LIMA1: variants seen among roughly 807,000 people sequenced by gnomAD.
LIMA1 encodes LIM domain and actin binding 1, also known as LIM domain and actin-binding protein 1.
In LIMA1, 52 loss-of-function variants were observed where a neutral mutation model predicts 62.6. The ratio of observed to expected loss-of-function variants is 0.83; its 90% confidence interval spans 0.67 to 1.05. The LOEUF (loss-of-function observed/expected upper bound fraction) is 1.05, where lower values mean the gene tolerates loss of function less well. Ranked by LOEUF, LIMA1 falls within the 50% of genes least tolerant of loss-of-function variation. The probability of loss-of-function intolerance (pLI) is 0.00; values close to 1 mark genes in which losing one functional copy is unlikely to be tolerated. For missense variants in LIMA1, 780 were observed against 902.2 expected (o/e 0.86, Z 1.74); for synonymous variants, 302 against 317.8 (o/e 0.95, Z 0.53).
intron 4 of LIMA1, among the ~76,000 whole-genome samples, chr12:50,209,581 A>AAAG (rs1565841671): frequency 1.6e-5 from 2 of 125,682 alleles, no homozygotes; most frequent in African/African-American, 6.7e-5. Context: ...AAAAAAAAAA[A>AAAG]AAAAAAGAAA....
chr12:50,207,059 G>C (rs950569583), intron 4 of LIMA1, among the ~76,000 whole-genome samples: 1 of 151,984 alleles, frequency 6.6e-6, no homozygotes, highest in Non-Finnish European at 1.5e-5. Flanking sequence ...TGAGTAGCTG[G>C]GATTACAGGC....
intron 5 of LIMA1, among the ~76,000 whole-genome samples, 153 bp from the exon 6 acceptor site, chr12:50,204,853 G>A (rs562968986): frequency 9.9e-5 from 15 of 151,982 alleles, no homozygotes; most frequent in Admixed American, 4.6e-4. Flanking sequence ...CCAAAGCGCT[G>A]GAATTATAGG....
intron 4 of LIMA1, among the ~76,000 whole-genome samples, chr12:50,211,793 A>AACAAAC (rs1555206355): frequency 3.3e-5 from 5 of 150,800 alleles, no homozygotes; most frequent in Admixed American, 3.3e-4. Context: ...AGGAACACAA[A>AACAAAC]ACACACACAC....
chr12:50,274,371 G>T (rs960118106), intron 1 of LIMA1, among the ~76,000 whole-genome samples: 4 of 152,162 alleles, frequency 2.6e-5, no homozygotes, highest in Non-Finnish European at 4.4e-5. Flanking sequence ...GGATAATGAG[G>T]TCGAGAGATG....
At chr12:50,267,559 C>T (rs1165336477) in intron 1 of LIMA1, among the ~76,000 whole-genome samples, 2 of 148,438 alleles carry the variant, frequency 1.3e-5, no homozygotes, top group African/African-American at 2.5e-5. Flanking sequence ...CTCGCTCTGT[C>T]GCCAGGCTGG....
At chr12:50,272,688 T>C (rs1942228164) in intron 1 of LIMA1, among the ~76,000 whole-genome samples, 1 of 151,124 alleles carries the variant, frequency 6.6e-6, no homozygotes, top group Admixed American at 6.6e-5. Flanking sequence ...ATGTACCAAA[T>C]CACACCGCCA....
intron 9 of LIMA1, 122 bp from the exon 10 acceptor site, chr12:50,182,159 C>T: frequency 9.9e-7 from 1 of 1,012,938 alleles, no homozygotes; most frequent in Non-Finnish European, 1.5e-6. Flanking sequence ...TCTCATGGAG[C>T]ACTAAACCTG....
intron 2 of LIMA1, among the ~76,000 whole-genome samples, chr12:50,242,414 G>A (rs1226178955): frequency 6.6e-6 from 1 of 151,616 alleles, no homozygotes; most frequent in Non-Finnish European, 1.5e-5. Flanking sequence ...GGAAGGCAGT[G>A]GTGCAATCAT....
At chr12:50,277,886 A>G (rs1942293778) in intron 1 of LIMA1, among the ~76,000 whole-genome samples, 1 of 152,266 alleles carries the variant, frequency 6.6e-6, no homozygotes, top group African/African-American at 2.4e-5. Flanking sequence ...CATAATTCAC[A>G]GAAGAAACAG....
At chr12:50,229,093 A>G (rs1359469943) in intron 3 of LIMA1, among the ~76,000 whole-genome samples, 1 of 152,156 alleles carries the variant, frequency 6.6e-6, no homozygotes, top group African/African-American at 2.4e-5. Flanking sequence ...CAACACCTAT[A>G]CTGCTACTAC....
At chr12:50,262,522 T>G (rs1933237694) in intron 1 of LIMA1, among the ~76,000 whole-genome samples, 1 of 151,948 alleles carries the variant, frequency 6.6e-6, no homozygotes, top group African/African-American at 2.4e-5. Flanking sequence ...GCCTGTAATC[T>G]TAGCACTTTG....
At chr12:50,189,057 C>A (rs2138412062) in intron 9 of LIMA1, 1 of 152,342 alleles carries the variant, frequency 6.6e-6, no homozygotes, top group South Asian at 2.1e-4. Context: ...CATCAGCCAA[C>A]CTTCAAGGCC....
intron 3 of LIMA1, among the ~76,000 whole-genome samples, chr12:50,223,883 CA>C (rs1159974533): frequency 5.3e-5 from 8 of 151,920 alleles, no homozygotes; most frequent in Non-Finnish European, 8.8e-5. Flanking sequence ...ACTAAAAATA[CA>C]AAAAATAGCT....
chr12:50,183,577 T>C lies in LIMA1; in HGVS notation c.1141-1540A>G, dbSNP rs571656854. Among the ~76,000 whole-genome samples, 203 of 151,178 alleles carry C rather than the reference T, an allele frequency of 1.3e-3. 4 individuals carry two copies. In the South Asian group the frequency reaches 0.042, roughly 31 times the overall value. On this transcript the variant is annotated intron_variant, in intron 9 of 10. Coordinates refer to ENST00000341247, the MANE Select transcript of LIMA1 (RefSeq NM_016357.5). ...GCCCATAATCCCACACTTTGGGAGG[T>C]TGAGGTAGGCAGATCACGAGGTCAG... is the stretch of plus-strand genomic sequence containing the variant.
At chr12:50,181,164 GGCA>G (rs1480171749) in intron 10 of LIMA1, among the ~76,000 whole-genome samples, 2 of 151,394 alleles carry the variant, frequency 1.3e-5, no homozygotes, top group Non-Finnish European at 2.9e-5. Context: ...TAACACAGTG[GGCA>G]GCAGAAGAAC....
intron 9 of LIMA1, among the ~76,000 whole-genome samples, chr12:50,190,667 A>T (rs1418146914): frequency 8.1e-6 from 1 of 123,798 alleles, no homozygotes; most frequent in African/African-American, 3.1e-5. Context: ...GGCGTGAGCC[A>T]CCACACCCGG....
chr12:50,235,567 C>A (rs1941680350), intron 2 of LIMA1, among the ~76,000 whole-genome samples: 1 of 152,026 alleles, frequency 6.6e-6, no homozygotes, highest in Non-Finnish European at 1.5e-5. Context: ...GCCCAGCCCC[C>A]AATCCTATCA....
chr12:50,227,777 A>C (rs1941553634), intron 3 of LIMA1, among the ~76,000 whole-genome samples: 1 of 151,404 alleles, frequency 6.6e-6, no homozygotes, highest in South Asian at 2.1e-4. Context: ...GCCTTTCTAG[A>C]TGTAGCACAG....
At chr12:50,260,503 G>A (rs963967169) in intron 1 of LIMA1, among the ~76,000 whole-genome samples, 3 of 152,262 alleles carry the variant, frequency 2.0e-5, no homozygotes, top group East Asian at 1.9e-4. Context: ...AATATGCAAC[G>A]TAACATAACC....
Sources: gnomAD v4.1 joint callset for allele counts (sites outside exome capture counted in the v4.1 genomes callset) on GRCh38, gnomAD v4.1.1 for gene constraint, MANE v1.5 for transcripts, NCBI Gene and HGNC (gene_info 2026-07-23, HGNC 2026-07-21) for gene names.